Variants in DDB2 observed in about 807,000 individuals in gnomAD.
The protein encoded by DDB2 is DNA damage-binding protein 2.
DDB2 carries 27 observed loss-of-function variants against 50.5 expected under a neutral mutation model. That is an observed-to-expected ratio of 0.53 (90% CI 0.39 to 0.74). The LOEUF (loss-of-function observed/expected upper bound fraction) is 0.74. DDB2 is among the 30% of genes least tolerant of loss of function. DDB2 has a pLI of 0.00. For missense variants in DDB2, 424 were observed against 545.6 expected, an observed-to-expected ratio of 0.78 and a Z score of 2.22; for synonymous variants, 176 against 205.5, an observed-to-expected ratio of 0.86 and a Z score of 1.23.
At chr11:47,226,429 A>G (rs998325714) in intron 3 of DDB2, among the ~76,000 whole-genome samples, 1 of 151,896 alleles carries the variant, frequency 6.6e-6, no homozygotes, top group Admixed American at 6.6e-5. Flanking sequence ...GCACACCACC[A>G]TGCCCGGCTA....
chr11:47,229,713 C>A, intron 3 of DDB2: 1 of 349,986 alleles, frequency 2.9e-6, no homozygotes, highest in Non-Finnish European at 5.5e-6. Flanking sequence ...TTTCAGTATA[C>A]AAAGTAAGAC....
At chr11:47,216,580 C>A in intron 2 of DDB2, 108 bp downstream of exon 2, 1 of 1,504,352 alleles carries the variant, frequency 6.6e-7, no homozygotes, top group Non-Finnish European at 9.1e-7. Flanking sequence ...CAGAGTGGTC[C>A]GATCACCCAG....
intron 3 of DDB2, among the ~76,000 whole-genome samples, chr11:47,231,590 C>A (rs750653360): frequency 6.6e-6 from 1 of 152,104 alleles, no homozygotes; most frequent in Non-Finnish European, 1.5e-5. Flanking sequence ...GTGATTCGAT[C>A]GCAACTCACT....
chr11:47,228,228 C>T (rs373518343), intron 3 of DDB2, among the ~76,000 whole-genome samples: 17 of 150,560 alleles, frequency 1.1e-4, no homozygotes, highest in East Asian at 7.8e-4. Context: ...GAGTGCACCA[C>T]TGCAGTCCAG....
intron 3 of DDB2, among the ~76,000 whole-genome samples, chr11:47,228,642 C>CAA (rs61273211): frequency 0.023 from 1,514 of 66,882 alleles, 41 homozygotes; most frequent in African/African-American, 0.078. Flanking sequence ...GACTCTGTCT[C>CAA]AAAAAAAAAA....
chr11:47,224,381 A>G (rs1206971904), intron 3 of DDB2, among the ~76,000 whole-genome samples: 1 of 151,766 alleles, frequency 6.6e-6, no homozygotes, highest in Admixed American at 6.6e-5. Context: ...GGTGCCCACC[A>G]CCTCACCTGG....
In DDB2 at chr11:47,234,837, C is replaced by T; in HGVS notation, c.783C>T (p.Ala261=). ...GCTGTGATTGGTTCCTGGCCACAGC[C>T]TCCGTAGATCAAACAGTGAAAATTT... is the stretch of plus-strand genomic sequence containing the variant. The part of the protein sequence containing the change: ...NPCCDWFLAT[A]SVDQTVKIWD... Residue 261 remains alanine (A), a synonymous_variant, in exon 6 of 10, where the codon GCC becomes GCT. Coordinates refer to ENST00000256996, the MANE Select transcript of DDB2 (RefSeq NM_000107.3). The T allele has an allele frequency of 6.2e-7, 1 of 1,614,168 alleles. No homozygotes were observed. Among genetic ancestry groups the T allele is most frequent in the Non-Finnish European group, 8.5e-7 (1 of 1,180,002 alleles).
chr11:47,238,156 A>G lies in DDB2; in HGVS notation c.1207A>G (p.Met403Val). Residue 403 changes from methionine (M) to valine (V), a missense_variant, in exon 9 of 10, where the codon ATG (methionine) becomes GTG (valine). Met to Val is a conservative substitution (Grantham distance 21, BLOSUM62 1). Transcript: ENST00000256996. ...GISSLNEFNPMGDTLASAMGY... is the reference protein window; with the variant it reads ...GISSLNEFNPVGDTLASAMGY... Reference sequence around the variant, plus strand: ...TCTGCAGCTTAATGAATTCAATCCCATGGGGGACACGCTGGCCTCTGCAAT... The same window carrying G: ...TCTGCAGCTTAATGAATTCAATCCCGTGGGGGACACGCTGGCCTCTGCAAT... 5.0e-6 allele frequency: 8 copies of G among 1,612,338 alleles called. No homozygotes were observed. Among genetic ancestry groups the G allele is most frequent in the Non-Finnish European group, 6.8e-6 (8 of 1,179,134 alleles).
chr11:47,237,925 C>T lies in DDB2; in HGVS notation c.1112C>T (p.Thr371Met), dbSNP rs753931064. The change falls in exon 8 of 10, where the codon ACG (threonine) becomes ATG (methionine). Residue 371 changes from threonine to methionine, a missense_variant. Physicochemically the swap from Thr to Met is moderately conservative, Grantham distance 81 (BLOSUM62 -1). Coordinates refer to ENST00000256996, the MANE Select transcript of DDB2 (RefSeq NM_000107.3). ...FKSCTPYELR[T>M]IDVFDGNSGK... ...AGTTGTACCCCTTATGAATTGAGGACGATCGACGTGTTCGATGGAAACTCA... is the reference window on the plus strand; with the variant it reads ...AGTTGTACCCCTTATGAATTGAGGATGATCGACGTGTTCGATGGAAACTCA... 8 of 1,613,944 alleles carry T rather than the reference C, an allele frequency of 5.0e-6. No homozygotes were observed. The highest frequency in any genetic ancestry group is 2.2e-5 in the East Asian group (1 of 44,890).
rs1953668761 is a variant in DDB2, at chr11:47,232,860, A to G, written c.503A>G (p.Asn168Ser). 1.2e-6 allele frequency: 2 copies of G among 1,614,158 alleles called. No homozygotes were observed. The highest frequency in any genetic ancestry group is 4.5e-5 in the East Asian group (2 of 44,878). The change falls in exon 4 of 10, where the codon AAT becomes AGT. Residue 168 changes from asparagine to serine, a missense_variant. Physicochemically the swap from Asn to Ser is conservative, Grantham distance 46. Transcript: ENST00000256996. ...ACTGGGCTGAAGTTTAACCCTCTCA[A>G]TACCAACCAGTTTTACGCCTCCTCA... is the stretch of plus-strand genomic sequence containing the variant. ...SITGLKFNPL[N>S]TNQFYASSME...
chr11:47,215,123 A>G lies in DDB2; in HGVS notation c.-14A>G, dbSNP rs772481534. On this transcript the variant is annotated 5_prime_UTR_variant, in exon 1 of 10. Coordinates refer to ENST00000256996, the MANE Select transcript of DDB2 (RefSeq NM_000107.3). ...TTCGCATAGAGCACAGTACCCCTTC[A>G]CACGGAGGACGCGATGGCTCCCAAG... is the stretch of plus-strand genomic sequence containing the variant. 1.2e-6 allele frequency: 2 copies of G among 1,613,802 alleles called. No individual in the cohort carries two copies. The highest frequency in any genetic ancestry group is 2.2e-5 in the South Asian group (2 of 91,066).
At position 47,235,521 on chromosome 11, in the gene DDB2, C is replaced by T. The variant is rs139756298; in HGVS notation, c.1023+109C>T. ...ATGTGGTAAGCCTGCCACCCCAGAT[C>T]GCTCCTGGCCCGAGCACAGAGCATC... On this transcript the variant is annotated intron_variant, in intron 7 of 9. Transcript: ENST00000256996. 569 of 1,204,910 alleles carry T rather than the reference C, an allele frequency of 4.7e-4. 1 individual carries two copies. In the Middle Eastern group the frequency reaches 6.0e-3, roughly 13 times the overall value. 74.6% of individuals were successfully genotyped at this position (1,204,910 alleles called of 1,614,324 possible). A position where few individuals can be genotyped will look rare whatever the true frequency, so the allele number is the denominator to read the frequency against.
At chr11:47,215,297 C>A (rs1310271343) in intron 1 of DDB2, 34 bp downstream of exon 1, 1 of 1,613,280 alleles carries the variant, frequency 6.2e-7, no homozygotes, top group East Asian at 2.2e-5. Flanking sequence ...AATATTTCCG[C>A]CTTTTAGGGT....
chr11:47,223,210 C>T (rs560656021), intron 3 of DDB2, among the ~76,000 whole-genome samples: 6 of 152,294 alleles, frequency 3.9e-5, no homozygotes, highest in South Asian at 2.1e-4. Flanking sequence ...CTAGGCTGGG[C>T]GCTGTGGCTT....
In DDB2 at chr11:47,234,954, A is replaced by C. The variant is rs778626626; in HGVS notation, c.880+20A>C. On this transcript the variant is annotated intron_variant, in intron 6 of 9. Coordinates refer to ENST00000256996, the MANE Select transcript of DDB2 (RefSeq NM_000107.3). Reference sequence around the variant, plus strand: ...ACGCAGGTGTGATATCCCAGACCTCATCTCTCCTGCAGACCCTGCCTGTCT... The same window carrying C: ...ACGCAGGTGTGATATCCCAGACCTCCTCTCTCCTGCAGACCCTGCCTGTCT... The C allele has an allele frequency of 7.4e-6, 12 of 1,613,340 alleles. No homozygotes were observed. The East Asian group carries it at 2.0e-4, about 27-fold the overall frequency.
chr11:47,230,635 C>T (rs532847739), intron 3 of DDB2, among the ~76,000 whole-genome samples: 20 of 152,090 alleles, frequency 1.3e-4, no homozygotes, highest in African/African-American at 4.3e-4. Flanking sequence ...TTAGAATGAC[C>T]GTGAGGTTAG....
chr11:47,220,004 T>C (rs1478093230), intron 3 of DDB2, among the ~76,000 whole-genome samples: 3 of 152,120 alleles, frequency 2.0e-5, no homozygotes, highest in Non-Finnish European at 4.4e-5. Context: ...TTAGCCATGA[T>C]GGTCTCGATC....
chr11:47,226,706 T>C (rs1953562160), intron 3 of DDB2, among the ~76,000 whole-genome samples: 1 of 151,894 alleles, frequency 6.6e-6, no homozygotes, highest in Admixed American at 6.6e-5. Context: ...ATATTTTCTT[T>C]GAAGGAATGT....
At chr11:47,229,207 A>T (rs1953608287) in intron 3 of DDB2, among the ~76,000 whole-genome samples, 2 of 151,952 alleles carry the variant, frequency 1.3e-5, no homozygotes, top group South Asian at 4.1e-4. Context: ...GTACATAGAG[A>T]CTGGGCCCAA....
Sources: gnomAD v4.1 joint callset for allele counts (sites outside exome capture counted in the v4.1 genomes callset) on GRCh38, gnomAD v4.1.1 for gene constraint, MANE v1.5 for transcripts, NCBI Gene and HGNC (gene_info 2026-07-23, HGNC 2026-07-21) for gene names.